The following MGAT4C variants were observed in gnomAD, a reference collection of about 807,000 sequenced individuals.
The protein encoded by MGAT4C is MGAT4 family member C, also known as alpha-1,3-mannosyl-glycoprotein 4-beta-N-acetylglucosaminyltransferase C.
A neutral mutation model predicts 40.1 loss-of-function variants in MGAT4C; 19 were observed. The observed-to-expected ratio is 0.47, with a 90% CI of 0.33 to 0.70. The LOEUF (loss-of-function observed/expected upper bound fraction) is 0.70. Among genes scored for constraint, MGAT4C ranks in the 30% least tolerant of loss-of-function variants. The pLI is 0.02. For missense variants in MGAT4C, 491 were observed against 563.2 expected (o/e 0.87, Z 1.30); for synonymous variants, 181 against 187.1 (o/e 0.97, Z 0.27).
chr12:86,056,534 G>C (rs1283851326), intron 1 of MGAT4C, among the ~76,000 whole-genome samples: 2 of 152,066 alleles, frequency 1.3e-5, no homozygotes, highest in African/African-American at 4.8e-5. Context: ...GTTTCCAGCT[G>C]TATCTATGTC....
chr12:86,259,132 A>G (rs974088543), upstream of MGAT4C, among the ~76,000 whole-genome samples: 1 of 152,162 alleles, frequency 6.6e-6, no homozygotes, highest in South Asian at 2.1e-4. Context: ...ATTCTCTTAC[A>G]GTGGGGAGAA....
intron 2 of MGAT4C, among the ~76,000 whole-genome samples, chr12:86,565,499 T>C (rs918678875): frequency 6.6e-6 from 1 of 152,188 alleles, no homozygotes. Context: ...CAAAGAGAAG[T>C]CTTTCCAGTG....
At chr12:86,487,055 A>C (rs941936223) in intron 2 of MGAT4C, among the ~76,000 whole-genome samples, 1 of 152,202 alleles carries the variant, frequency 6.6e-6, no homozygotes, top group Admixed American at 6.5e-5. Context: ...GTTTTAATTT[A>C]TAACAATAAC....
chr12:86,678,017 T>C (rs1167829566), intron 2 of MGAT4C, among the ~76,000 whole-genome samples: 1 of 152,106 alleles, frequency 6.6e-6, no homozygotes, highest in Non-Finnish European at 1.5e-5. Context: ...AAACACCAAA[T>C]GTATGCTGAT....
Position 85,956,040 on chromosome 12 carries a change from AG to A in MGAT4C, c.*23248del, listed in dbSNP as rs1441406400. ...ATGTAGAGGTTTTCAATTGGTTTACAGGAAGTCTGATTTTTACAAAACTAGA... is the reference window on the plus strand; with the variant it reads ...ATGTAGAGGTTTTCAATTGGTTTACAGAAGTCTGATTTTTACAAAACTAGA... On this transcript the variant is annotated 3_prime_UTR_variant, in exon 5 of 5. Coordinates refer to ENST00000611864, the MANE Select transcript of MGAT4C (RefSeq NM_001351288.2). 1 of 152,232 alleles carries A rather than the reference AG, an allele frequency of 6.6e-6. No homozygotes were observed. Among genetic ancestry groups the A allele is most frequent in the Non-Finnish European group, 1.5e-5 (1 of 68,036 alleles). The allele number at this position is 152,232 out of a possible 1,614,324, so 9.4% of individuals were successfully genotyped here.
intron 2 of MGAT4C, among the ~76,000 whole-genome samples, chr12:86,581,469 A>T (rs545961255): frequency 6.6e-6 from 1 of 151,558 alleles, no homozygotes; most frequent in African/African-American, 2.4e-5. Flanking sequence ...TGTTTCCTGC[A>T]GCTGAGAGTT....
rs571464638 is a variant in MGAT4C at position 86,764,321 on chromosome 12, G to A, written c.-261-37080C>T. ...CAGCGAGGCTGGGGGAGGGGTGCCC[G>A]CCATTGCCCAGGCTTGATTAGGTAA... is the stretch of plus-strand genomic sequence containing the variant. On this transcript the variant is annotated intron_variant, in intron 1 of 7. Transcript: ENST00000548651. Among the ~76,000 whole-genome samples, 18 of 152,216 alleles carry A rather than the reference G, an allele frequency of 1.2e-4. No individual in the cohort carries two copies. The South Asian group carries it at 2.1e-3, about 18-fold the overall frequency.
chr12:86,703,203 A>T (rs1041846060), intron 2 of MGAT4C, among the ~76,000 whole-genome samples: 1 of 152,202 alleles, frequency 6.6e-6, no homozygotes, highest in Admixed American at 6.5e-5. Context: ...AGATGAAACA[A>T]ACTGCTGGTA....
intron 4 of MGAT4C, among the ~76,000 whole-genome samples, chr12:86,325,429 A>G (rs1236401797): frequency 6.6e-6 from 1 of 152,226 alleles, no homozygotes; most frequent in Non-Finnish European, 1.5e-5. Flanking sequence ...ATAAGTGTAC[A>G]ATATAATATT....
chr12:86,190,132 A>T (rs567247162), intron 1 of MGAT4C, among the ~76,000 whole-genome samples: 51 of 152,204 alleles, frequency 3.4e-4, no homozygotes, highest in African/African-American at 1.0e-3. Flanking sequence ...TTTGGGGAAT[A>T]AATGCCAAAA....
Position 85,975,356 on chromosome 12 carries a change from C to T in MGAT4C, c.*3933G>A, listed in dbSNP as rs1156958334. 2 of 150,904 alleles carry T rather than the reference C, an allele frequency of 1.3e-5. No homozygotes were observed. The highest frequency in any genetic ancestry group is 3.0e-5 in the Non-Finnish European group (2 of 67,132). The allele number at this position is 150,904 out of a possible 1,614,324, so 9.3% of individuals were successfully genotyped here. A position where few individuals can be genotyped will look rare whatever the true frequency, so the allele number is the denominator to read the frequency against. On this transcript the variant is annotated 3_prime_UTR_variant, in exon 5 of 5. Transcript: ENST00000611864. ...ATACGTGACATGGATAAAAAGGAAA[C>T]AAATATTTATTGTGTGCCTAGTTTA...
rs1051483442 is a variant in MGAT4C at position 86,811,837 on chromosome 12, C to T, written c.-262+26829G>A. The stretch of plus-strand genomic sequence containing the variant: ...TATTGATTTTTGCTCTGAATATTTC[C>T]TTCCTGCTTTTTGCTCTGAGTTTAA... On this transcript the variant is annotated intron_variant, in intron 1 of 7. Coordinates refer to the MGAT4C transcript ENST00000548651. 3.9e-5 allele frequency among the ~76,000 whole-genome samples: 6 copies of T among 151,922 alleles called. No individual in the cohort carries two copies. In the East Asian group the frequency reaches 1.2e-3, roughly 29 times the overall value.
intron 1 of MGAT4C, among the ~76,000 whole-genome samples, chr12:86,822,199 T>C (rs1952718342): frequency 6.6e-6 from 1 of 150,750 alleles, no homozygotes; most frequent in Admixed American, 6.7e-5. Flanking sequence ...CATATACCTA[T>C]AGAAGTTACA....
intron 1 of MGAT4C, among the ~76,000 whole-genome samples, chr12:86,138,186 C>T (rs758838635): frequency 1.3e-5 from 2 of 152,002 alleles, no homozygotes; most frequent in Non-Finnish European, 2.9e-5. Context: ...ACCAGCTTTT[C>T]CTTCTTCATC....
intron 1 of MGAT4C, chr12:86,745,069 G>A (rs1951131785): frequency 1.3e-5 from 2 of 151,534 alleles, no homozygotes; most frequent in Non-Finnish European, 3.0e-5. Flanking sequence ...GAAATAGTAA[G>A]GCTGTTCACC....
At chr12:86,741,380 A>G (rs1951066770) in intron 1 of MGAT4C, among the ~76,000 whole-genome samples, 1 of 151,288 alleles carries the variant, frequency 6.6e-6, no homozygotes, top group Non-Finnish European at 1.5e-5. Flanking sequence ...TTTTTATATG[A>G]TCCTCTTTTG....
intron 1 of MGAT4C, among the ~76,000 whole-genome samples, chr12:86,108,106 C>T (rs1269192331): frequency 6.6e-6 from 1 of 152,004 alleles, no homozygotes; most frequent in Non-Finnish European, 1.5e-5. Flanking sequence ...AATCTAAGCC[C>T]TCCTATTCAC....
At chr12:86,681,375 T>A (rs942662531) in intron 2 of MGAT4C, among the ~76,000 whole-genome samples, 1 of 152,016 alleles carries the variant, frequency 6.6e-6, no homozygotes, top group South Asian at 2.1e-4. Flanking sequence ...CATGGTGGAC[T>A]ATGAGATTTT....
intron 1 of MGAT4C, among the ~76,000 whole-genome samples, chr12:86,253,561 G>T (rs1952393427): frequency 6.6e-6 from 1 of 151,804 alleles, no homozygotes; most frequent in African/African-American, 2.4e-5. Flanking sequence ...ATATACACAA[G>T]GTTGATAAAA....
Sources: allele counts gnomAD v4.1 joint callset (sites outside exome capture counted in the v4.1 genomes callset), GRCh38; gene constraint gnomAD v4.1.1; transcripts MANE v1.5; gene names NCBI Gene and HGNC (gene_info 2026-07-23, HGNC 2026-07-21).